COL4A1: variants seen among roughly 807,000 people sequenced by gnomAD.
COL4A1 encodes the protein collagen type IV alpha 1 chain.
COL4A1 carries 40 observed loss-of-function variants against 216.6 expected under a neutral mutation model. The ratio of observed to expected loss-of-function variants is 0.18; its 90% confidence interval spans 0.14 to 0.24. COL4A1 has a LOEUF of 0.24. COL4A1 is among the 10% of genes least tolerant of loss of function. The pLI, the probability that COL4A1 is intolerant of heterozygous loss-of-function variation, is 1.00. For missense variants in COL4A1, 1,628 were observed against 2,196.8 expected (o/e 0.74, Z 5.18); for synonymous variants, 839 against 810.7 (o/e 1.03, Z -0.59).
intron 2 of COL4A1, among the ~76,000 whole-genome samples, chr13:110,219,902 G>GTA (rs762364701): frequency 1.8e-5 from 2 of 108,368 alleles, no homozygotes; most frequent in East Asian, 3.5e-4. Context: ...GTATATATAT[G>GTA]TATATATATG....
In COL4A1 at chr13:110,150,087, ACAT is replaced by A; in HGVS notation, c.*273_*275del. The A allele has an allele frequency of 2.2e-6, 1 of 464,348 alleles. No individual in the cohort carries two copies. 28.8% of individuals were successfully genotyped at this position (464,348 alleles called of 1,614,324 possible). A position where few individuals can be genotyped will look rare whatever the true frequency, so the allele number is the denominator to read the frequency against. On this transcript the variant is annotated 3_prime_UTR_variant, in exon 52 of 52. Transcript: ENST00000375820. ...TTTTCTGATGGAGTTCTCACTTCAC[ACAT>A]CAGTGCATTGGATTGCAGAAAATAT...
chr13:110,272,937 A>G (rs1212647720), intron 1 of COL4A1, among the ~76,000 whole-genome samples: 1 of 152,246 alleles, frequency 6.6e-6, no homozygotes, highest in Non-Finnish European at 1.5e-5. Context: ...CCTCTGTGCC[A>G]GATATGCCCA....
At chr13:110,174,804 G>A in intron 37 of COL4A1, 55 bp from the exon 38 acceptor site, 2 of 1,511,626 alleles carry the variant, frequency 1.3e-6, no homozygotes, top group African/African-American at 2.7e-5. Flanking sequence ...GCATGCATCT[G>A]TAGGCATGTT....
At chr13:110,286,553 T>A (rs1257828601) in intron 1 of COL4A1, among the ~76,000 whole-genome samples, 1 of 152,112 alleles carries the variant, frequency 6.6e-6, no homozygotes, top group Non-Finnish European at 1.5e-5. Context: ...GCTGAGGCAG[T>A]AAGACCACCA....
At position 110,306,928 on chromosome 13, in the gene COL4A1, C is replaced by G; in HGVS notation, c.84+16G>C. 1 of 1,460,126 alleles carries G rather than the reference C, an allele frequency of 6.8e-7. No individual in the cohort carries two copies. The highest frequency in any genetic ancestry group is 9.0e-7 in the Non-Finnish European group (1 of 1,109,276). 90.4% of individuals were successfully genotyped at this position (1,460,126 alleles called of 1,614,324 possible). ...TCGGGGCGGGACGCCGGGAGCGGAGCTGGCCGGGAACTCACCTTCGCAGCG... is the reference window on the plus strand; with the variant it reads ...TCGGGGCGGGACGCCGGGAGCGGAGGTGGCCGGGAACTCACCTTCGCAGCG... On this transcript the variant is annotated intron_variant, in intron 1 of 51. Coordinates refer to ENST00000375820, the MANE Select transcript of COL4A1 (RefSeq NM_001845.6).
intron 1 of COL4A1, among the ~76,000 whole-genome samples, chr13:110,264,876 C>G (rs897170384): frequency 6.6e-6 from 1 of 152,226 alleles, no homozygotes; most frequent in African/African-American, 2.4e-5. Flanking sequence ...GCCCCTGCAC[C>G]ACGTGATCCC....
intron 2 of COL4A1, among the ~76,000 whole-genome samples, chr13:110,240,775 G>C (rs1881529611): frequency 6.6e-6 from 1 of 151,942 alleles, no homozygotes; most frequent in African/African-American, 2.4e-5. Context: ...GGTAGGGAAG[G>C]CTACACCCTA....
chr13:110,205,246 AT>A (rs1477524800), intron 17 of COL4A1, 106 bp downstream of exon 17: 5 of 1,350,768 alleles, frequency 3.7e-6, no homozygotes, highest in African/African-American at 1.5e-5. Context: ...AGCATAAATG[AT>A]TTTTTTCCCT....
At chr13:110,161,503 G>T in intron 48 of COL4A1, 134 bp from the exon 49 acceptor site, 1 of 1,085,556 alleles carries the variant, frequency 9.2e-7, no homozygotes, top group Non-Finnish European at 1.4e-6. Context: ...ATGTATAAAG[G>T]ATTATGTAGG....
intron 2 of COL4A1, among the ~76,000 whole-genome samples, chr13:110,225,601 A>T (rs1880700794): frequency 6.6e-6 from 1 of 152,178 alleles, no homozygotes; most frequent in Non-Finnish European, 1.5e-5. Context: ...ATAAATAAAT[A>T]AACAAAAATA....
At chr13:110,208,961 C>T (rs762302491) in intron 11 of COL4A1, 71 bp from the exon 12 acceptor site, 59 of 1,439,080 alleles carry the variant, frequency 4.1e-5, no homozygotes, top group Non-Finnish European at 4.9e-5. Context: ...ACAAACCTCA[C>T]ACAAAATGCA....
chr13:110,306,412 T>C (rs554293471), intron 1 of COL4A1, among the ~76,000 whole-genome samples: 78 of 152,326 alleles, frequency 5.1e-4, no homozygotes, highest in Non-Finnish European at 1.0e-3. Flanking sequence ...AAAGCTCAGA[T>C]ACAGCTGTTT....
rs1001538860 is a variant in COL4A1 at position 110,149,165 on chromosome 13, T to G, written c.*1198A>C. 4 of 154,826 alleles carry G rather than the reference T, an allele frequency of 2.6e-5. No individual in the cohort carries two copies. Among genetic ancestry groups the G allele is most frequent in the African/African-American group, 9.6e-5 (4 of 41,530 alleles). The allele number at this position is 154,826 out of a possible 1,614,324, so 9.6% of individuals were successfully genotyped here. A position where few individuals can be genotyped will look rare whatever the true frequency, so the allele number is the denominator to read the frequency against. On this transcript the variant is annotated 3_prime_UTR_variant, in exon 52 of 52. Transcript: ENST00000375820. Reference sequence around the variant, plus strand: ...AGTCTTAGAAATGTTTTGGAGACTTTTAGTGAAATGTCATTTCAGGCCTAG... The same window carrying G: ...AGTCTTAGAAATGTTTTGGAGACTTGTAGTGAAATGTCATTTCAGGCCTAG...
intron 1 of COL4A1, among the ~76,000 whole-genome samples, chr13:110,286,521 G>A (rs1883850256): frequency 6.6e-6 from 1 of 152,178 alleles, no homozygotes; most frequent in South Asian, 2.1e-4. Context: ...GGAAGAGGAG[G>A]AACAGTTCCC....
chr13:110,217,158 A>T (rs1044818542), intron 2 of COL4A1, among the ~76,000 whole-genome samples: 23 of 152,346 alleles, frequency 1.5e-4, no homozygotes, highest in African/African-American at 5.1e-4. Context: ...TGGGAACCAG[A>T]GCAGAGCAAA....
At chr13:110,201,397 AGGG>A in intron 19 of COL4A1, 38 bp downstream of exon 19, 1 of 1,234,850 alleles carries the variant, frequency 8.1e-7, no homozygotes, top group Non-Finnish European at 1.1e-6. Flanking sequence ...GGAGAGAAGG[AGGG>A]GGAGTAGGAG....
chr13:110,256,203 T>C (rs1882558125), intron 1 of COL4A1, among the ~76,000 whole-genome samples: 1 of 152,106 alleles, frequency 6.6e-6, no homozygotes, highest in African/African-American at 2.4e-5. Flanking sequence ...GTTCAAGAGT[T>C]GTCCTGGGCC....
At chr13:110,303,529 G>C (rs1354515861) in intron 1 of COL4A1, among the ~76,000 whole-genome samples, 7 of 152,196 alleles carry the variant, frequency 4.6e-5, no homozygotes, top group Admixed American at 4.6e-4. Flanking sequence ...TTAGACTTGA[G>C]AGCAGACAGG....
chr13:110,233,136 C>T (rs2139234449), intron 2 of COL4A1, among the ~76,000 whole-genome samples: 1 of 152,240 alleles, frequency 6.6e-6, no homozygotes, highest in Non-Finnish European at 1.5e-5. Flanking sequence ...ATATTTTACC[C>T]TTGAATTCAG....
Sources: allele counts gnomAD v4.1 joint callset (sites outside exome capture counted in the v4.1 genomes callset), GRCh38; gene constraint gnomAD v4.1.1; transcripts MANE v1.5; gene names NCBI Gene and HGNC (gene_info 2026-07-23, HGNC 2026-07-21).